Variants in POFUT3 observed in about 807,000 individuals in gnomAD.
POFUT3 encodes the protein protein O-fucosyltransferase 3.
At chr8:33,405,405 C>T in the POFUT3 span, among the ~76,000 whole-genome samples, 2 of 151,910 alleles carry the variant, frequency 1.3e-5, no homozygotes, top group Non-Finnish European at 1.5e-5. Context: ...TAATTACTTA[C>T]GATGGTAGAC....
chr8:33,354,389 C>T, the POFUT3 span, among the ~76,000 whole-genome samples: 1 of 152,058 alleles, frequency 6.6e-6, no homozygotes, highest in African/African-American at 2.4e-5. Context: ...GATGTAAGCC[C>T]CGGTTTGAGT....
chr8:33,390,225 C>CACACAT, the POFUT3 span, among the ~76,000 whole-genome samples: 105 of 151,776 alleles, frequency 6.9e-4, no homozygotes, highest in African/African-American at 2.2e-3. Context: ...CACACACACA[C>CACACAT]ATGAAGCATG....
chr8:33,352,839 T>C, the POFUT3 span, among the ~76,000 whole-genome samples: 1 of 152,314 alleles, frequency 6.6e-6, no homozygotes, highest in Middle Eastern at 3.4e-3. Context: ...TATCCTCATA[T>C]CAGATTACCC....
the POFUT3 span, among the ~76,000 whole-genome samples, chr8:33,469,803 C>CTTTTTTTTTT: frequency 2.8e-5 from 3 of 108,760 alleles, no homozygotes; most frequent in Non-Finnish European, 5.2e-5. Flanking sequence ...TTTACTTTTT[C>CTTTTTTTTTT]TTTTTTTTTT....
At chr8:33,409,557 A>C in the POFUT3 span, among the ~76,000 whole-genome samples, 3 of 152,230 alleles carry the variant, frequency 2.0e-5, no homozygotes, top group Non-Finnish European at 4.4e-5. Flanking sequence ...AAATATCTAA[A>C]GAAAAGTACA....
At chr8:33,327,769 T>C in the POFUT3 span, among the ~76,000 whole-genome samples, 1 of 152,316 alleles carries the variant, frequency 6.6e-6, no homozygotes, top group African/African-American at 2.4e-5. Context: ...AAGCACATTT[T>C]TCATGCCCTG....
At chr8:33,390,450 G>A in the POFUT3 span, among the ~76,000 whole-genome samples, 2 of 150,586 alleles carry the variant, frequency 1.3e-5, no homozygotes, top group Non-Finnish European at 2.9e-5. Flanking sequence ...CAAGTAAATA[G>A]GAGAAATAAA....
At chr8:33,370,699 G>C in the POFUT3 span, 1 of 152,166 alleles carries the variant, frequency 6.6e-6, no homozygotes, top group Middle Eastern at 3.2e-3. Flanking sequence ...CAGCACATAA[G>C]CACTGGGTAT....
the POFUT3 span, among the ~76,000 whole-genome samples, chr8:33,467,842 G>A: frequency 6.6e-6 from 1 of 152,216 alleles, no homozygotes; most frequent in African/African-American, 2.4e-5. Flanking sequence ...CCAGTTGAAG[G>A]TGTAAGAGTC....
chr8:33,355,352 A>G, the POFUT3 span, among the ~76,000 whole-genome samples: 5 of 152,312 alleles, frequency 3.3e-5, no homozygotes, highest in South Asian at 4.1e-4. Context: ...GGATTTTTCA[A>G]TATCAATGTG....
At chr8:33,336,829 A>C in the POFUT3 span, among the ~76,000 whole-genome samples, 2 of 152,184 alleles carry the variant, frequency 1.3e-5, no homozygotes, top group Non-Finnish European at 2.9e-5. Context: ...GGGCCAAGGC[A>C]TGAGGGCCAA....
chr8:33,320,962 T>C, the POFUT3 span, among the ~76,000 whole-genome samples: 1 of 152,102 alleles, frequency 6.6e-6, no homozygotes, highest in Non-Finnish European at 1.5e-5. Context: ...CTGGGAGGCC[T>C]GGCTCATTGG....
the POFUT3 span, among the ~76,000 whole-genome samples, chr8:33,424,035 A>C: frequency 6.6e-6 from 1 of 151,772 alleles, no homozygotes; most frequent in Admixed American, 6.6e-5. Flanking sequence ...GCTACTCAGG[A>C]GACTGAGGCA....
chr8:33,443,618 G>A, the POFUT3 span, among the ~76,000 whole-genome samples: 3 of 152,086 alleles, frequency 2.0e-5, no homozygotes, highest in Non-Finnish European at 2.9e-5. Context: ...TCAGCCTCCT[G>A]AGTAGCTGGG....
the POFUT3 span, chr8:33,461,575 A>G: frequency 1.3e-6 from 2 of 1,553,262 alleles, no homozygotes; most frequent in Non-Finnish European, 1.7e-6. Context: ...CTGCACTGCC[A>G]TTCCTGCTGG....
At chr8:33,446,073 A>T in the POFUT3 span, among the ~76,000 whole-genome samples, 1 of 151,986 alleles carries the variant, frequency 6.6e-6, no homozygotes, top group South Asian at 2.1e-4. Flanking sequence ...CTGGAGAGGG[A>T]GGGAGAAGAG....
At chr8:33,405,202 A>G in the POFUT3 span, among the ~76,000 whole-genome samples, 1 of 152,132 alleles carries the variant, frequency 6.6e-6, no homozygotes, top group Non-Finnish European at 1.5e-5. Flanking sequence ...CCTTGGCAGG[A>G]GAATCACTTG....
the POFUT3 span, among the ~76,000 whole-genome samples, chr8:33,428,968 C>T: frequency 6.6e-6 from 1 of 152,160 alleles, no homozygotes; most frequent in South Asian, 2.1e-4. Flanking sequence ...AATCCTATTG[C>T]CACTGCTCTT....
the POFUT3 span, among the ~76,000 whole-genome samples, chr8:33,354,445 A>C: frequency 6.6e-6 from 1 of 152,328 alleles, no homozygotes; most frequent in African/African-American, 2.4e-5. Context: ...CTGAAGGCCC[A>C]AGAACCTGGA....
Sources: gnomAD v4.1 joint callset for allele counts (sites outside exome capture counted in the v4.1 genomes callset) on GRCh38, gnomAD v4.1.1 for gene constraint, MANE v1.5 for transcripts, NCBI Gene and HGNC (gene_info 2026-07-23, HGNC 2026-07-21) for gene names.